Variants in ARHGEF33 observed in about 807,000 individuals in gnomAD.
The protein encoded by ARHGEF33 is Rho guanine nucleotide exchange factor 33.
A neutral mutation model predicts 101.9 loss-of-function variants in ARHGEF33; 72 were observed. That is an observed-to-expected ratio of 0.71 (90% confidence interval 0.58 to 0.86). The LOEUF is 0.86. Ranked by LOEUF, ARHGEF33 falls within the 40% of genes least tolerant of loss-of-function variation. The probability of loss-of-function intolerance (pLI) is 0.00; values close to 1 mark genes in which losing one functional copy is unlikely to be tolerated. For missense variants in ARHGEF33, 1,169 were observed against 1,111.3 expected (o/e 1.05, Z -0.74); for synonymous variants, 499 against 442.5 (o/e 1.13, Z -1.60).
At chr2:38,944,876 G>GGTGTGTGTGTGTGTGT (rs397942466) in intron 10 of ARHGEF33, among the ~76,000 whole-genome samples, 2 of 145,648 alleles carry the variant, frequency 1.4e-5, no homozygotes, top group African/African-American at 2.6e-5. Context: ...GTAATGCATG[G>GGTGTGTGTGTGTGTGT]GTGTGTGTGT....
intron 2 of ARHGEF33, among the ~76,000 whole-genome samples, chr2:38,901,398 C>G (rs1666233669): frequency 6.6e-6 from 1 of 152,148 alleles, no homozygotes; most frequent in Non-Finnish European, 1.5e-5. Context: ...CCCTTCCTAC[C>G]CACTGCTGAG....
At chr2:38,923,310 G>A (rs1159739923) in intron 4 of ARHGEF33, among the ~76,000 whole-genome samples, 3 of 152,154 alleles carry the variant, frequency 2.0e-5, no homozygotes, top group Admixed American at 6.5e-5. Flanking sequence ...ACCAAAAGAA[G>A]AAGAAGAAAG....
At chr2:38,899,247 C>T (rs2124978801) in intron 2 of ARHGEF33, among the ~76,000 whole-genome samples, 1 of 152,150 alleles carries the variant, frequency 6.6e-6, no homozygotes, top group African/African-American at 2.4e-5. Context: ...TTTGCACTCT[C>T]CTCCATAAAC....
chr2:38,899,472 G>A (rs1289127742), intron 2 of ARHGEF33, among the ~76,000 whole-genome samples: 1 of 152,008 alleles, frequency 6.6e-6, no homozygotes, highest in Non-Finnish European at 1.5e-5. Flanking sequence ...AATACCACAT[G>A]AGCTCACTTA....
intron 4 of ARHGEF33, among the ~76,000 whole-genome samples, chr2:38,925,314 A>G (rs1406166257): frequency 6.6e-6 from 1 of 152,244 alleles, no homozygotes; most frequent in East Asian, 1.9e-4. Flanking sequence ...CACTATGGGA[A>G]CCAGTCCTAC....
chr2:38,972,097 G>C (rs1311608635), intron 17 of ARHGEF33, among the ~76,000 whole-genome samples: 2 of 152,296 alleles, frequency 1.3e-5, no homozygotes, highest in East Asian at 3.9e-4. Flanking sequence ...GGGGGAACAA[G>C]AAGAAATAGC....
At chr2:38,924,269 A>C (rs1017151852) in intron 4 of ARHGEF33, among the ~76,000 whole-genome samples, 1 of 152,164 alleles carries the variant, frequency 6.6e-6, no homozygotes, top group African/African-American at 2.4e-5. Flanking sequence ...AGTTCTGGTG[A>C]ATGTGTGTAA....
At chr2:38,973,566 C>A in intron 17 of ARHGEF33, 148 bp from the exon 18 acceptor site, 1 of 792,148 alleles carries the variant, frequency 1.3e-6, no homozygotes, top group Non-Finnish European at 1.9e-6. Context: ...TACACATGTC[C>A]TAAGTCATGA....
chr2:38,931,240 C>G lies in ARHGEF33; in HGVS notation c.494C>G (p.Ala165Gly), dbSNP rs1666996290. 3 of 1,546,506 alleles carry G rather than the reference C, an allele frequency of 1.9e-6. No individual in the cohort carries two copies. The highest frequency in any genetic ancestry group is 4.1e-5 in the Admixed American group (2 of 49,238). ...TTTACCAACCTTTTGCCTTCTCAGG[C>G]CTACGAGAAAGGTACAGTTCACAAA... ...EDFTNLLPSQ[A>G]YEKAQESRSV... Residue 165 changes from alanine to glycine, a missense_variant, in exon 7 of 18, where the codon GCC (alanine) becomes GGC (glycine). Coordinates refer to ENST00000409978, the MANE Select transcript of ARHGEF33 (RefSeq NM_001145451.5).
In ARHGEF33 at chr2:38,940,391, G is replaced by C. The variant is rs143106119; in HGVS notation, c.790+2832G>C. On this transcript the variant is annotated intron_variant, in intron 9 of 17. Coordinates refer to ENST00000409978, the MANE Select transcript of ARHGEF33 (RefSeq NM_001145451.5). Reference sequence around the variant, plus strand: ...TGATCCACCTGCCTCAGCCTCCCAGGTAGTTGGCACTACAGGCACAAGCCA... The same window carrying C: ...TGATCCACCTGCCTCAGCCTCCCAGCTAGTTGGCACTACAGGCACAAGCCA... Among the ~76,000 whole-genome samples, 380 of 150,610 alleles carry C rather than the reference G, an allele frequency of 2.5e-3. 3 individuals are homozygous for C. The highest frequency in any genetic ancestry group is 8.8e-3 in the African/African-American group (363 of 41,060).
At chr2:38,958,250 C>T (rs1272575366) in intron 15 of ARHGEF33, 52 bp downstream of exon 15, 1 of 1,543,452 alleles carries the variant, frequency 6.5e-7, no homozygotes, top group Non-Finnish European at 8.8e-7. Flanking sequence ...TGGGACCCAG[C>T]CAGTCTGTGC....
intron 2 of ARHGEF33, among the ~76,000 whole-genome samples, chr2:38,897,277 C>T (rs544728987): frequency 7.6e-4 from 115 of 152,292 alleles, no homozygotes; most frequent in Admixed American, 1.4e-3. Context: ...TTCACAGTAT[C>T]ACACTTGAAC....
intron 17 of ARHGEF33, among the ~76,000 whole-genome samples, chr2:38,972,694 C>G (rs376852513): frequency 1.3e-5 from 2 of 152,252 alleles, no homozygotes; most frequent in Non-Finnish European, 1.5e-5. Context: ...ATTAACTTAT[C>G]TAATAACAAG....
At chr2:38,912,972 G>C (rs1666544963) in intron 2 of ARHGEF33, among the ~76,000 whole-genome samples, 1 of 151,508 alleles carries the variant, frequency 6.6e-6, no homozygotes. Flanking sequence ...TTCAAGAAAA[G>C]TTCATTCTGT....
At chr2:38,934,436 C>CAGGCACTGT (rs1667078975) in intron 7 of ARHGEF33, among the ~76,000 whole-genome samples, 1 of 137,984 alleles carries the variant, frequency 7.2e-6, no homozygotes, top group African/African-American at 2.7e-5. Context: ...CCCTCCATCC[C>CAGGCACTGT]TCCCCCTTCT....
rs2124437563 is a variant in ARHGEF33 at position 38,975,106 on chromosome 2, C to T, written c.*1263C>T. On this transcript the variant is annotated 3_prime_UTR_variant, in exon 18 of 18. Coordinates refer to ENST00000409978, the MANE Select transcript of ARHGEF33 (RefSeq NM_001145451.5). Reference sequence around the variant, plus strand: ...GTACTCAAACTGGTGTCTTCAGAAGCTGTTCCTCTATTGAAGCGTTTGTTG... The same window carrying T: ...GTACTCAAACTGGTGTCTTCAGAAGTTGTTCCTCTATTGAAGCGTTTGTTG... 6.6e-6 allele frequency: 1 copy of T among 152,346 alleles called. No homozygotes were observed. The highest frequency in any genetic ancestry group is 2.4e-5 in the African/African-American group (1 of 41,584). The allele number at this position is 152,346 out of a possible 1,614,324, so 9.4% of individuals were successfully genotyped here. A position where few individuals can be genotyped will look rare whatever the true frequency, so the allele number is the denominator to read the frequency against.
intron 9 of ARHGEF33, among the ~76,000 whole-genome samples, chr2:38,939,322 C>T (rs527972294): frequency 4.6e-5 from 7 of 152,164 alleles, no homozygotes; most frequent in African/African-American, 1.4e-4. Flanking sequence ...GGGATGTATG[C>T]CCTCATTTCT....
chr2:38,949,345 T>C (rs529273866), intron 10 of ARHGEF33, among the ~76,000 whole-genome samples: 1 of 152,300 alleles, frequency 6.6e-6, no homozygotes, highest in African/African-American at 2.4e-5. Context: ...CTACCTTAAG[T>C]CACCAAGTTA....
chr2:38,935,746 G>C, intron 7 of ARHGEF33, 29 bp from the exon 8 acceptor site: 10 of 1,545,676 alleles, frequency 6.5e-6, no homozygotes, highest in Non-Finnish European at 7.0e-6. Flanking sequence ...TGGAATGAAC[G>C]CTGAATGAAT....
Sources: allele counts gnomAD v4.1 joint callset (sites outside exome capture counted in the v4.1 genomes callset), GRCh38; gene constraint gnomAD v4.1.1; transcripts MANE v1.5; gene names NCBI Gene and HGNC (gene_info 2026-07-23, HGNC 2026-07-21).